Variants in RFX2 observed in about 807,000 individuals in gnomAD.
The protein encoded by RFX2 is regulatory factor X2, also known as DNA-binding protein RFX2.
A neutral mutation model predicts 87.8 loss-of-function variants in RFX2; 20 were observed. The ratio of observed to expected loss-of-function variants is 0.23; its 90% confidence interval spans 0.16 to 0.33. The LOEUF is 0.33. RFX2 is among the 10% of genes least tolerant of loss of function. The pLI, the probability that RFX2 is intolerant of heterozygous loss-of-function variation, is 1.00. For missense variants in RFX2, 767 were observed against 1,012.3 expected, an observed-to-expected ratio of 0.76 and a Z score of 3.29; for synonymous variants, 397 against 431.3, an observed-to-expected ratio of 0.92 and a Z score of 0.98.
chr19:6,083,924 T>C lies in RFX2; in HGVS notation c.-9+26469A>G, dbSNP rs1289878012. 6.6e-6 allele frequency among the ~76,000 whole-genome samples: 1 copy of C among 152,082 alleles called. No homozygotes were observed. The highest frequency in any genetic ancestry group is 1.5e-5 in the Non-Finnish European group (1 of 68,040). On this transcript the variant is annotated intron_variant, in intron 1 of 17. Transcript: ENST00000303657. The surrounding 1 kb of genome is among the most constrained non-coding windows in gnomAD (Gnocchi z 4.6). ...ATTTTCTCCATTCTTAAATTACTGT[T>C]TAGGTTGCTTTACATTCTCTTCCCA...
rs1452662746 is a variant in RFX2, at chr19:6,021,859, G to C, written c.597+4304C>G. Among the ~76,000 whole-genome samples, 1 of 152,216 alleles carries C rather than the reference G, an allele frequency of 6.6e-6. No homozygotes were observed. The highest frequency in any genetic ancestry group is 1.5e-5 in the Non-Finnish European group (1 of 68,022). ...TCACTCTGGTGGCTGCTGTGAGAAG[G>C]GGCTGGAGGCTGGGTAGGGGTGGGT... On this transcript the variant is annotated intron_variant, in intron 6 of 17. Coordinates refer to ENST00000303657, the MANE Select transcript of RFX2 (RefSeq NM_000635.4). This position sits in a 1 kb window ranked among gnomAD's most constrained non-coding sequence, Gnocchi z 5.7.
intron 6 of RFX2, among the ~76,000 whole-genome samples, chr19:6,018,216 C>T (rs1331656551): frequency 2.6e-5 from 4 of 152,202 alleles, no homozygotes; most frequent in Admixed American, 6.5e-5. Context: ...GTGATCCACC[C>T]GCCTTGGCCT....
chr19:6,047,329 G>T lies in RFX2; in HGVS notation c.90+78C>A. 1.7e-6 allele frequency: 2 copies of T among 1,145,204 alleles called. No individual in the cohort carries two copies. The highest frequency in any genetic ancestry group is 2.5e-6 in the Non-Finnish European group (2 of 804,218). 70.9% of individuals were successfully genotyped at this position (1,145,204 alleles called of 1,614,324 possible). On this transcript the variant is annotated intron_variant, in intron 2 of 17. Transcript: ENST00000303657. The surrounding 1 kb of genome is among the most constrained non-coding windows in gnomAD (Gnocchi z 4.2). ...AAAAATACAGATTCCTCTCTTTGCA[G>T]ATCTGAGCAGCTTTCAAACCCATAG... is the stretch of plus-strand genomic sequence containing the variant.
rs899773453 is a variant in RFX2 at position 6,063,412 on chromosome 19, C to T, written c.-8-15908G>A. Among the ~76,000 whole-genome samples, 16 of 152,186 alleles carry T rather than the reference C, an allele frequency of 1.1e-4. No individual in the cohort carries two copies. The highest frequency in any genetic ancestry group is 2.1e-4 in the South Asian group (1 of 4,834). ...GTGGCTGCAGTGCATGGAGGGCCAC[C>T]GGAGGCTGGCACTGGTGTCTCCTGC... On this transcript the variant is annotated intron_variant, in intron 1 of 17. Coordinates refer to ENST00000303657, the MANE Select transcript of RFX2 (RefSeq NM_000635.4). The surrounding 1 kb of genome is among the most constrained non-coding windows in gnomAD (Gnocchi z 4.0).
chr19:6,090,859 T>A (rs2087923760), intron 1 of RFX2, among the ~76,000 whole-genome samples: 1 of 152,224 alleles, frequency 6.6e-6, no homozygotes, highest in Admixed American at 6.5e-5. Flanking sequence ...TGACACAGGC[T>A]ACAATGTGGA....
Position 6,083,995 on chromosome 19 carries a change from AC to A in RFX2, c.-9+26397del, listed in dbSNP as rs993021028. ...GGAGATGAGCACACGTGTCCAGGGC[AC>A]CCCAGACCTCTTGGGCAGGGAGAAT... is the stretch of plus-strand genomic sequence containing the variant. On this transcript the variant is annotated intron_variant, in intron 1 of 17. Transcript: ENST00000303657. The surrounding 1 kb of genome is among the most constrained non-coding windows in gnomAD (Gnocchi z 4.6). 2.0e-5 allele frequency among the ~76,000 whole-genome samples: 3 copies of A among 152,066 alleles called. No homozygotes were observed. Among genetic ancestry groups the A allele is most frequent in the Non-Finnish European group, 2.9e-5 (2 of 68,014 alleles).
At position 6,023,256 on chromosome 19, in the gene RFX2, T is replaced by C. The variant is rs1325592408; in HGVS notation, c.597+2907A>G. 1.3e-5 allele frequency: 2 copies of C among 152,338 alleles called. No individual in the cohort carries two copies. Among genetic ancestry groups the C allele is most frequent in the Non-Finnish European group, 2.9e-5 (2 of 68,164 alleles). The allele number at this position is 152,338 out of a possible 1,614,324, so 9.4% of individuals were successfully genotyped here. Reference sequence around the variant, plus strand: ...AAATGGGTCTCCAGGGCCCAGCTGCTCCCACACACTTGGCTTATCTGCCAC... The same window carrying C: ...AAATGGGTCTCCAGGGCCCAGCTGCCCCCACACACTTGGCTTATCTGCCAC... On this transcript the variant is annotated intron_variant, in intron 6 of 17. Transcript: ENST00000303657. The surrounding 1 kb of genome is among the most constrained non-coding windows in gnomAD (Gnocchi z 4.9).
intron 1 of RFX2, among the ~76,000 whole-genome samples, chr19:6,086,736 C>T (rs2087861010): frequency 6.6e-6 from 1 of 152,240 alleles, no homozygotes; most frequent in Non-Finnish European, 1.5e-5. Context: ...ACGCACACGG[C>T]TCATTCCTGT....
chr19:6,079,884 C>CAA (rs1160044956), intron 1 of RFX2, among the ~76,000 whole-genome samples: 68 of 76,622 alleles, frequency 8.9e-4, no homozygotes, highest in African/African-American at 2.1e-3. Flanking sequence ...GACTCTGTCT[C>CAA]AAAAAAAAAA....
At chr19:6,034,833 G>C (rs559370861) in intron 5 of RFX2, among the ~76,000 whole-genome samples, 92 of 152,270 alleles carry the variant, frequency 6.0e-4, no homozygotes, top group Non-Finnish European at 1.1e-3. Flanking sequence ...TAGTTCTGAG[G>C]GCTGCCTGAC....
Position 6,010,321 on chromosome 19 carries a change from G to T in RFX2, c.900-70C>A. 2 of 1,011,226 alleles carry T rather than the reference G, an allele frequency of 2.0e-6. No individual in the cohort carries two copies. The highest frequency in any genetic ancestry group is 1.4e-5 in the South Asian group (1 of 73,062). The allele number at this position is 1,011,226 out of a possible 1,614,324, so 62.6% of individuals were successfully genotyped here. A position where few individuals can be genotyped will look rare whatever the true frequency, so the allele number is the denominator to read the frequency against. Reference sequence around the variant, plus strand: ...CTGCGGGTGGGCCCAAAGACTGGGGGGCTGGGCAGGATTCAGTCAGGCATG... The same window carrying T: ...CTGCGGGTGGGCCCAAAGACTGGGGTGCTGGGCAGGATTCAGTCAGGCATG... On this transcript the variant is annotated intron_variant, in intron 8 of 17. Transcript: ENST00000303657. This position sits in a 1 kb window ranked among gnomAD's most constrained non-coding sequence, Gnocchi z 5.0.
At chr19:6,037,253 C>T (rs905394082) in intron 5 of RFX2, among the ~76,000 whole-genome samples, 2 of 148,432 alleles carry the variant, frequency 1.3e-5, no homozygotes, top group African/African-American at 5.0e-5. Flanking sequence ...CACTGCACTC[C>T]AGCCTGGGCG....
At chr19:6,102,092 G>A (rs926057104) in intron 1 of RFX2, among the ~76,000 whole-genome samples, 11 of 152,122 alleles carry the variant, frequency 7.2e-5, no homozygotes, top group African/African-American at 1.7e-4. Context: ...TCACATTCAC[G>A]GGGACATGAA....
chr19:6,014,858 C>T (rs779749613), intron 7 of RFX2, among the ~76,000 whole-genome samples: 4 of 152,168 alleles, frequency 2.6e-5, no homozygotes, highest in Non-Finnish European at 4.4e-5. Flanking sequence ...ACCGCCACGC[C>T]GTTTATAGAC....
intron 1 of RFX2, among the ~76,000 whole-genome samples, chr19:6,104,745 T>A (rs1239049501): frequency 1.3e-5 from 2 of 152,054 alleles, no homozygotes; most frequent in Non-Finnish European, 2.9e-5. Context: ...GCTTTCCCCA[T>A]AAGTGTCAAG....
At chr19:6,086,625 C>T (rs560413455) in intron 1 of RFX2, among the ~76,000 whole-genome samples, 37 of 152,368 alleles carry the variant, frequency 2.4e-4, no homozygotes, top group African/African-American at 8.2e-4. Flanking sequence ...ACACAAGAAT[C>T]TAATCTTGCC....
Position 6,044,239 on chromosome 19 carries a change from T to C in RFX2, c.134A>G (p.Gln45Arg). Reference sequence around the variant, plus strand: ...TCTGGGGAGGGAGATCGGCTGCATCTGGGCCCCTTTGGGATTGGAGCTGGC... The same window carrying C: ...TCTGGGGAGGGAGATCGGCTGCATCCGGGCCCCTTTGGGATTGGAGCTGGC... The part of the protein sequence containing the change: ...QAASSNPKGA[Q>R]MQPISLPRVQ... Residue 45 changes from glutamine (Q) to arginine (R), a missense_variant, in exon 3 of 18, where the codon CAG (glutamine) becomes CGG (arginine). Transcript: ENST00000303657. The surrounding 1 kb of genome is among the most constrained non-coding windows in gnomAD (Gnocchi z 5.3). 6.3e-7 allele frequency: 1 copy of C among 1,576,736 alleles called. No individual in the cohort carries two copies.
chr19:6,054,588 A>G (rs867530362), intron 1 of RFX2, among the ~76,000 whole-genome samples: 1 of 152,310 alleles, frequency 6.6e-6, no homozygotes, highest in Middle Eastern at 3.4e-3. Context: ...TTCTTCCTCA[A>G]CTGGATTTTC....
In RFX2 at chr19:6,012,930, C is replaced by T; in HGVS notation, c.899+56G>A. 1 of 1,407,890 alleles carries T rather than the reference C, an allele frequency of 7.1e-7. No homozygotes were observed. The highest frequency in any genetic ancestry group is 9.3e-7 in the Non-Finnish European group (1 of 1,077,784). The allele number at this position is 1,407,890 out of a possible 1,614,324, so 87.2% of individuals were successfully genotyped here. A position where few individuals can be genotyped will look rare whatever the true frequency, so the allele number is the denominator to read the frequency against. On this transcript the variant is annotated intron_variant, in intron 8 of 17. Transcript: ENST00000303657. This position sits in a 1 kb window ranked among gnomAD's most constrained non-coding sequence, Gnocchi z 4.6. ...GTTTGTTTCGTGTTGGAGAAACACC[C>T]ACCCCTCCATGCTCCAGGGGAGAGC... is the stretch of plus-strand genomic sequence containing the variant.
Sources: allele counts gnomAD v4.1 joint callset (sites outside exome capture counted in the v4.1 genomes callset), GRCh38; gene constraint gnomAD v4.1.1; non-coding constraint Gnocchi (gnomAD v3.1); transcripts MANE v1.5; gene names NCBI Gene and HGNC (gene_info 2026-07-23, HGNC 2026-07-21).